RALY: variants seen among roughly 807,000 people sequenced by gnomAD.
RALY encodes RALY heterogeneous nuclear ribonucleoprotein, also known as RNA-binding protein Raly.
Under a neutral mutation model 30.7 loss-of-function variants are expected in RALY, and 15 were observed. The ratio of observed to expected loss-of-function variants is 0.49; its 90% CI spans 0.33 to 0.75. RALY has a LOEUF of 0.75. RALY is among the 30% of genes least tolerant of loss of function. The pLI is 0.02. For missense variants in RALY, 339 were observed against 414.3 expected, an observed-to-expected ratio of 0.82 and a Z score of 1.58; for synonymous variants, 177 against 170.8, an observed-to-expected ratio of 1.04 and a Z score of -0.28.
intron 1 of RALY, among the ~76,000 whole-genome samples, chr20:34,025,118 A>G (rs144811360): frequency 5.1e-4 from 77 of 152,302 alleles, no homozygotes; most frequent in African/African-American, 1.7e-3. Flanking sequence ...ACTCTAGCAG[A>G]AATGCGTTGG....
intron 2 of RALY, among the ~76,000 whole-genome samples, chr20:34,054,013 A>G (rs887328423): frequency 6.6e-6 from 1 of 152,246 alleles, no homozygotes; most frequent in Admixed American, 6.5e-5. Context: ...ATACTGAACA[A>G]TGATGCCAGT....
intron 2 of RALY, among the ~76,000 whole-genome samples, chr20:34,065,880 G>A (rs1251756449): frequency 6.6e-6 from 1 of 152,180 alleles, no homozygotes; most frequent in Non-Finnish European, 1.5e-5. Flanking sequence ...TAGCATTGGG[G>A]GCATCAAGAC....
chr20:34,077,829 A>G (rs1265855558), intron 8 of RALY: 1 of 180,676 alleles, frequency 5.5e-6, no homozygotes, highest in Non-Finnish European at 1.2e-5. Context: ...ACCAAGACCC[A>G]GATCATACTC....
rs377184627 is a variant in RALY, at chr20:34,075,941, C to T, written c.445C>T (p.Arg149Trp). The change falls in exon 6 of 10, where the codon CGG becomes TGG. Residue 149 changes from arginine to tryptophan, a missense_variant. By Grantham distance (101) the Arg-to-Trp change is moderately radical. Around this residue, in one of 2 missense-constraint regions of RALY, gnomAD observed 268 missense variants for 280.6 expected, o/e 0.95. Coordinates refer to ENST00000246194, the MANE Select transcript of RALY (RefSeq NM_016732.3). ...VPRAVPVKRP[R>W]VTVPLVRRVK... ...CAGGGCGGTCCCTGTGAAGCGACCCCGGGTCACAGTCCCTTTGGTCCGGCG... is the reference window on the plus strand; with the variant it reads ...CAGGGCGGTCCCTGTGAAGCGACCCTGGGTCACAGTCCCTTTGGTCCGGCG... 9 of 1,614,056 alleles carry T rather than the reference C, an allele frequency of 5.6e-6. No homozygotes were observed. In the African/African-American group the frequency reaches 6.7e-5, roughly 12 times the overall value.
intron 2 of RALY, among the ~76,000 whole-genome samples, chr20:34,051,950 A>G (rs1284805292): frequency 4.6e-5 from 7 of 152,192 alleles, no homozygotes; most frequent in Non-Finnish European, 1.0e-4. Flanking sequence ...ATAAATTCTC[A>G]TTAACCAGAG....
At chr20:34,054,144 G>T (rs1020974071) in intron 2 of RALY, among the ~76,000 whole-genome samples, 1 of 152,166 alleles carries the variant, frequency 6.6e-6, no homozygotes, top group African/African-American at 2.4e-5. Flanking sequence ...CAGCTACACG[G>T]TTCACTGTTA....
intron 5 of RALY, among the ~76,000 whole-genome samples, chr20:34,075,470 G>A (rs2033847844): frequency 2.0e-5 from 3 of 151,922 alleles, no homozygotes; most frequent in Admixed American, 1.3e-4. Context: ...TCTATTCCTA[G>A]CTGGGGATTT....
intron 1 of RALY, among the ~76,000 whole-genome samples, chr20:34,019,959 G>T (rs1311121595): frequency 6.6e-6 from 1 of 152,002 alleles, no homozygotes; most frequent in African/African-American, 2.4e-5. Context: ...TACTTGGGAG[G>T]CTGAGGCAGG....
rs182027615 is a variant in RALY at position 34,004,941 on chromosome 20, T to C, written c.-93+10810T>C. Among the ~76,000 whole-genome samples the C allele has an allele frequency of 4.0e-3, 602 of 152,360 alleles. 2 individuals are homozygous for C. The highest frequency in any genetic ancestry group is 6.0e-3 in the Non-Finnish European group (405 of 68,034). On this transcript the variant is annotated intron_variant, in intron 1 of 9. Transcript: ENST00000246194. ...TAGTTTTACCAAATCACTTTGAAGGTTGGCATGAACATTGATCATGTCTTA... is the reference window on the plus strand; with the variant it reads ...TAGTTTTACCAAATCACTTTGAAGGCTGGCATGAACATTGATCATGTCTTA...
chr20:34,077,083 CAGCGGT>C lies in RALY; in HGVS notation c.715_720del (p.Ser239_Gly240del), dbSNP rs781347816. On this transcript the variant is annotated inframe_deletion, in exon 8 of 10. Transcript: ENST00000246194. ...CCGGCGGCGGCGGCGGTGGTGGTGGCAGCGGTGGCGGTGGCAGTGGTGGTGGCGGTG... is the reference window on the plus strand; with the variant it reads ...CCGGCGGCGGCGGCGGTGGTGGTGGCGGCGGTGGCAGTGGTGGTGGCGGTG... 14 of 1,605,170 alleles carry C rather than the reference CAGCGGT, an allele frequency of 8.7e-6. No homozygotes were observed. The highest frequency in any genetic ancestry group is 5.1e-5 in the Admixed American group (3 of 59,120).
At position 34,077,201 on chromosome 20, in the gene RALY, G is replaced by C; in HGVS notation, c.832G>C (p.Asp278His). 1 of 1,613,860 alleles carries C rather than the reference G, an allele frequency of 6.2e-7. No homozygotes were observed. Among genetic ancestry groups the C allele is most frequent in the Non-Finnish European group, 8.5e-7 (1 of 1,179,948 alleles). ...CCAGGGGGAAGCACGGACCCGAGAC[G>C]ACGGCGATGAGGAAGGGCTCCTGAC... ...LPQGEARTRD[D>H]GDEEGLLTHS... The change falls in exon 8 of 10, where the codon GAC becomes CAC. Residue 278 changes from aspartate to histidine, a missense_variant. Around this residue, in one of 2 missense-constraint regions of RALY, gnomAD observed 268 missense variants for 280.6 expected, o/e 0.95. Transcript: ENST00000246194.
intron 2 of RALY, among the ~76,000 whole-genome samples, chr20:34,058,506 T>TA (rs2033322726): frequency 6.6e-6 from 1 of 151,418 alleles, no homozygotes; most frequent in Non-Finnish European, 1.5e-5. Context: ...TCCCCATACT[T>TA]CTCAATGACT....
intron 2 of RALY, among the ~76,000 whole-genome samples, chr20:34,065,670 A>G (rs929050572): frequency 2.6e-5 from 4 of 152,210 alleles, no homozygotes; most frequent in South Asian, 2.1e-4. Context: ...GGCCCTGGAC[A>G]CTGATGAGTC....
chr20:34,055,859 G>C (rs966930101), intron 2 of RALY, among the ~76,000 whole-genome samples: 5 of 152,150 alleles, frequency 3.3e-5, no homozygotes, highest in Admixed American at 6.5e-5. Flanking sequence ...ATGGATCCAT[G>C]GGCACTATTG....
intron 2 of RALY, among the ~76,000 whole-genome samples, chr20:34,051,740 C>T (rs944399527): frequency 2.0e-5 from 3 of 152,088 alleles, no homozygotes; most frequent in Non-Finnish European, 4.4e-5. Context: ...GGGCTACAGG[C>T]GCCTGCCACC....
intron 1 of RALY, among the ~76,000 whole-genome samples, chr20:34,031,254 T>A (rs2032267419): frequency 6.8e-6 from 1 of 147,802 alleles, no homozygotes; most frequent in African/African-American, 2.5e-5. Flanking sequence ...AGAGACAGGG[T>A]TTCACCATGT....
chr20:34,019,231 C>G (rs1601420645), intron 1 of RALY, among the ~76,000 whole-genome samples: 1 of 152,000 alleles, frequency 6.6e-6, no homozygotes. Context: ...GAGACTAAGG[C>G]AGGAGAATTG....
intron 1 of RALY, among the ~76,000 whole-genome samples, chr20:34,028,017 C>T (rs1205887316): frequency 6.6e-6 from 1 of 152,106 alleles, no homozygotes; most frequent in Non-Finnish European, 1.5e-5. Flanking sequence ...ACTGGCTGGG[C>T]GTGGTGGCTC....
intron 2 of RALY, among the ~76,000 whole-genome samples, chr20:34,064,346 G>C (rs1228399639): frequency 6.6e-6 from 1 of 152,116 alleles, no homozygotes; most frequent in Non-Finnish European, 1.5e-5. Context: ...AGCATGCTAT[G>C]GGGAGATAAC....
Sources: allele counts gnomAD v4.1 joint callset (sites outside exome capture counted in the v4.1 genomes callset), GRCh38; gene constraint gnomAD v4.1.1; regional missense constraint gnomAD v4.1.1; transcripts MANE v1.5; gene names NCBI Gene and HGNC (gene_info 2026-07-23, HGNC 2026-07-21).